PHLDB1: variants seen among roughly 807,000 people sequenced by gnomAD.
The protein encoded by PHLDB1 is pleckstrin homology like domain family B member 1.
In PHLDB1, 65 loss-of-function variants were observed where a neutral mutation model predicts 139.3. That is an observed-to-expected ratio of 0.47 (90% confidence interval 0.38 to 0.57). PHLDB1 has a LOEUF of 0.57. PHLDB1 is among the 20% of genes least tolerant of loss of function. The pLI is 0.00. For missense variants in PHLDB1, 1,624 were observed against 1,839.7 expected (o/e 0.88, Z 2.14); for synonymous variants, 679 against 734.5 (o/e 0.92, Z 1.22).
At chr11:118,631,064 G>A in intron 6 of PHLDB1, 143 bp from the exon 7 acceptor site, 3 of 659,714 alleles carry the variant, frequency 4.5e-6, no homozygotes, top group South Asian at 5.3e-5. Flanking sequence ...TAGGTCTTGG[G>A]GTCAGGCCTC....
chr11:118,639,851 C>G (rs1591666954), intron 12 of PHLDB1: 1 of 987,894 alleles, frequency 1.0e-6, no homozygotes, highest in Non-Finnish European at 1.2e-6. Context: ...ACCATGTCCC[C>G]TCTCTGTAGG....
intron 9 of PHLDB1, 21 bp from the exon 10 acceptor site, chr11:118,635,372 C>A: frequency 6.4e-7 from 1 of 1,561,314 alleles, no homozygotes; most frequent in Non-Finnish European, 8.7e-7. Flanking sequence ...CACCCAACCC[C>A]CTTTGTCACT....
At chr11:118,639,498 A>G (rs1289708104) in intron 12 of PHLDB1, 2 of 406,102 alleles carry the variant, frequency 4.9e-6, no homozygotes, top group Non-Finnish European at 9.3e-6. Flanking sequence ...GGCTGAATAT[A>G]TGTGGGGGGA....
chr11:118,629,952 C>T (rs1565440909), intron 6 of PHLDB1: 3 of 1,250,770 alleles, frequency 2.4e-6, no homozygotes, highest in Non-Finnish European at 3.1e-6. Flanking sequence ...CCCACCTCAA[C>T]CAGGCTGCTT....
chr11:118,610,508 C>T lies in PHLDB1; in HGVS notation c.-22+2809C>T. 2 of 978,840 alleles carry T rather than the reference C, an allele frequency of 2.0e-6. No homozygotes were observed. The highest frequency in any genetic ancestry group is 2.4e-6 in the Non-Finnish European group (2 of 823,924). 60.6% of individuals were successfully genotyped at this position (978,840 alleles called of 1,614,324 possible). On this transcript the variant is annotated intron_variant, in intron 1 of 22. Coordinates refer to ENST00000600882, the MANE Select transcript of PHLDB1 (RefSeq NM_001144758.3). This position sits in a 1 kb window ranked among gnomAD's most constrained non-coding sequence, Gnocchi z 8.7. ...TGCACCGCTTGGGCCGAGGCCGAGG[C>T]CGACCCCCAGGGACACAGGTGAGGC...
In PHLDB1 at chr11:118,608,593, GC is replaced by G. The variant is rs1202123824; in HGVS notation, c.-22+895del. Reference sequence around the variant, plus strand: ...GGCTGCATTCTGGGCCGTTAGCTCAGCGGTCCTGGAGCCTCCCGAGGCTGAC... The same window carrying G: ...GGCTGCATTCTGGGCCGTTAGCTCAGGGTCCTGGAGCCTCCCGAGGCTGAC... On this transcript the variant is annotated intron_variant, in intron 1 of 22. Coordinates refer to ENST00000600882, the MANE Select transcript of PHLDB1 (RefSeq NM_001144758.3). The surrounding 1 kb of genome is among the most constrained non-coding windows in gnomAD (Gnocchi z 6.7). Among the ~76,000 whole-genome samples, 1 of 152,126 alleles carries G rather than the reference GC, an allele frequency of 6.6e-6. No homozygotes were observed. The highest frequency in any genetic ancestry group is 1.5e-5 in the Non-Finnish European group (1 of 67,992).
rs901564684 is a variant in PHLDB1 at position 118,638,903 on chromosome 11, A to G, written c.2548A>G (p.Ile850Val). ...SIAKRKERLA[I>V]LDSQAGQIRA... ...CCATCTCCTTTAGGAGCGCCTGGCC[A>G]TCCTGGACAGTCAGGCTGGGCAGAT... is the stretch of plus-strand genomic sequence containing the variant. Residue 850 changes from isoleucine (I) to valine (V), a missense_variant, in exon 11 of 23, where the codon ATC becomes GTC. Transcript: ENST00000600882. The G allele has an allele frequency of 6.8e-6, 11 of 1,612,376 alleles. No homozygotes were observed. Among genetic ancestry groups the G allele is most frequent in the Non-Finnish European group, 9.3e-6 (11 of 1,179,220 alleles).
At position 118,613,884 on chromosome 11, in the gene PHLDB1, G is replaced by T; in HGVS notation, c.48G>T (p.Gln16His). Residue 16 changes from glutamine to histidine, a missense_variant, in exon 2 of 23, where the codon CAG (glutamine) becomes CAT (histidine). Coordinates refer to ENST00000600882, the MANE Select transcript of PHLDB1 (RefSeq NM_001144758.3). ...AAATAGGCCCTGGATGCCAGACCCA[G>T]ACCATGGTGCAGGTGAGTGGGATCA... ...RNQIGPGCQT[Q>H]TMVQKGPLDL... The T allele has an allele frequency of 6.2e-7, 1 of 1,608,166 alleles. No individual in the cohort carries two copies. Among genetic ancestry groups the T allele is most frequent in the South Asian group, 1.1e-5 (1 of 90,730 alleles).
intron 6 of PHLDB1, among the ~76,000 whole-genome samples, chr11:118,630,468 G>A (rs1167650188): frequency 6.6e-6 from 1 of 152,190 alleles, no homozygotes; most frequent in African/African-American, 2.4e-5. Flanking sequence ...GAGCTGAGGT[G>A]GGGACAAAGA....
At chr11:118,642,070 C>A in intron 12 of PHLDB1, 184 bp from the exon 13 acceptor site, 1 of 676,570 alleles carries the variant, frequency 1.5e-6, no homozygotes, top group Admixed American at 2.2e-5. Context: ...TTCCTTCCTC[C>A]CCTTCTTCCT....
chr11:118,630,653 G>A (rs1944648925), intron 6 of PHLDB1, among the ~76,000 whole-genome samples: 1 of 152,054 alleles, frequency 6.6e-6, no homozygotes. Flanking sequence ...TGCATGTCAG[G>A]GCTGGTGTCT....
In PHLDB1 at chr11:118,642,245, C is replaced by T; in HGVS notation, c.2737-9C>T. On this transcript the variant is annotated splice_polypyrimidine_tract_variant and intron_variant, in intron 12 of 22. Coordinates refer to ENST00000600882, the MANE Select transcript of PHLDB1 (RefSeq NM_001144758.3). ...TGTCCCCTTTTCCCCTCCCCATTCC[C>T]ACCTCCAGATGGAGAAGCTGCTGCT... 1.2e-6 allele frequency: 2 copies of T among 1,611,954 alleles called. No individual in the cohort carries two copies. Among genetic ancestry groups the T allele is most frequent in the Non-Finnish European group, 1.7e-6 (2 of 1,179,642 alleles).
At chr11:118,629,876 C>A in intron 6 of PHLDB1, 1 of 469,714 alleles carries the variant, frequency 2.1e-6, no homozygotes, top group African/African-American at 2.0e-5. Context: ...AAGCACACAT[C>A]TTACCACTAG....
At chr11:118,630,927 G>C (rs542455143) in intron 6 of PHLDB1, among the ~76,000 whole-genome samples, 12 of 151,184 alleles carry the variant, frequency 7.9e-5, no homozygotes, top group African/African-American at 2.9e-4. Context: ...AAAGGAACAG[G>C]AAGATGGAAG....
rs781863528 is a variant in PHLDB1, at chr11:118,647,960, C to T, written c.3538C>T (p.Leu1180=). 2.5e-6 allele frequency: 4 copies of T among 1,587,114 alleles called. No homozygotes were observed. The South Asian group carries it at 3.4e-5, about 14-fold the overall frequency. Residue 1180 remains leucine, a synonymous_variant, in exon 18 of 23, where the codon CTG becomes TTG. Transcript: ENST00000600882. ...EREMELRRQA[L]EEERRRREQV... ...GGAGATGGAGCTGCGGCGGCAGGCC[C>T]TGGAGGAGGAGCGGCGGAGGCGTGA...
At chr11:118,641,857 C>A in intron 12 of PHLDB1, 1 of 1,185,070 alleles carries the variant, frequency 8.4e-7, no homozygotes, top group Non-Finnish European at 1.1e-6. Flanking sequence ...CTCCTGCTCA[C>A]CTGGCCTCTT....
intron 6 of PHLDB1, among the ~76,000 whole-genome samples, chr11:118,630,242 G>A (rs551458911): frequency 2.0e-5 from 3 of 152,092 alleles, no homozygotes; most frequent in Non-Finnish European, 4.4e-5. Context: ...GTAGGCCTGC[G>A]GGAAAAGGCA....
At chr11:118,638,376 T>A (rs1289613567) in intron 10 of PHLDB1, among the ~76,000 whole-genome samples, 1 of 152,256 alleles carries the variant, frequency 6.6e-6, no homozygotes, top group African/African-American at 2.4e-5. Flanking sequence ...TCAAGTAATA[T>A]TCCTTTTTAG....
At chr11:118,655,943 C>T (rs782654433) in intron 22 of PHLDB1, 51 bp downstream of exon 22, 1 of 1,352,866 alleles carries the variant, frequency 7.4e-7, no homozygotes, top group South Asian at 1.2e-5. Context: ...TCCTGTACCC[C>T]ACTCATCCCT....
Sources: gnomAD v4.1 joint callset for allele counts (sites outside exome capture counted in the v4.1 genomes callset) on GRCh38, gnomAD v4.1.1 for gene constraint, Gnocchi (gnomAD v3.1) non-coding constraint, MANE v1.5 for transcripts, NCBI Gene and HGNC (gene_info 2026-07-23, HGNC 2026-07-21) for gene names.